MN1: variants seen among roughly 807,000 people sequenced by gnomAD.
MN1 encodes the protein transcriptional activator MN1.
A neutral mutation model predicts 86.9 loss-of-function variants in MN1; 19 were observed. The observed-to-expected ratio is 0.22, with a 90% CI of 0.15 to 0.32. The LOEUF is 0.32. Among genes scored for constraint, MN1 ranks in the 10% least tolerant of loss-of-function variants. MN1 has a pLI of 1.00. For synonymous variants in MN1, 928 were observed against 849.6 expected (o/e 1.09, Z -1.60); for missense variants, 1,841 against 1,862.0 (o/e 0.99, Z 0.21).
At position 27,797,208 on chromosome 22, in the gene MN1, G is replaced by A; in HGVS notation, c.3336C>T (p.Thr1112=). ...CGCCGCCGTAGCTGTCAGGGGTCGA[G>A]GTAGAGTTAGACATGATGCCCAGGC... ...ALGLGIMSNS[T]STPDSYGGGG... is the part of the protein sequence containing the mutation. Residue 1112 remains threonine (T), a synonymous_variant, in exon 1 of 2, where the codon ACC becomes ACT. Transcript: ENST00000302326. The A allele has an allele frequency of 6.4e-7, 1 of 1,559,534 alleles. No homozygotes were observed. The highest frequency in any genetic ancestry group is 8.6e-7 in the Non-Finnish European group (1 of 1,157,882).
chr22:27,800,630 G>A lies in MN1; in HGVS notation c.-87C>T. On this transcript the variant is annotated 5_prime_UTR_variant, in exon 1 of 2. Transcript: ENST00000302326. ...CCGGCCAGCTACTCGTTCCAGCCCA[G>A]GATTGGGCGCTCCGGGACGCTCAGC... 1 of 1,588,246 alleles carries A rather than the reference G, an allele frequency of 6.3e-7. No individual in the cohort carries two copies. Among genetic ancestry groups the A allele is most frequent in the East Asian group, 2.3e-5 (1 of 44,236 alleles).
At chr22:27,775,894 G>A (rs902279315) in intron 1 of MN1, among the ~76,000 whole-genome samples, 17 of 152,164 alleles carry the variant, frequency 1.1e-4, no homozygotes, top group African/African-American at 4.1e-4. Flanking sequence ...GCCGCCTGAA[G>A]CCTGACCCCT....
chr22:27,763,760 T>C (rs5762349), intron 1 of MN1, among the ~76,000 whole-genome samples: 64,616 of 152,052 alleles, frequency 0.42, 14,998 homozygotes, highest in East Asian at 0.63. Context: ...CAACACAGGT[T>C]CCACCACCTT....
chr22:27,761,194 A>G (rs1245505084), intron 1 of MN1, among the ~76,000 whole-genome samples: 1 of 149,480 alleles, frequency 6.7e-6, no homozygotes, highest in African/African-American at 2.5e-5. Flanking sequence ...TCCTCCTTTC[A>G]ATCTGTCTCG....
chr22:27,785,540 T>C (rs930754766), intron 1 of MN1, among the ~76,000 whole-genome samples: 8 of 152,222 alleles, frequency 5.3e-5, no homozygotes, highest in African/African-American at 1.9e-4. Flanking sequence ...ACTTACTTAA[T>C]ACCAAATGTT....
At chr22:27,756,383 G>A (rs1488470560) in intron 1 of MN1, among the ~76,000 whole-genome samples, 2 of 152,046 alleles carry the variant, frequency 1.3e-5, no homozygotes, top group East Asian at 1.9e-4. Flanking sequence ...CGTGAGCCGG[G>A]CGGAGGTGGC....
At chr22:27,777,555 GAGAA>G (rs1179410446) in intron 1 of MN1, among the ~76,000 whole-genome samples, 1 of 143,716 alleles carries the variant, frequency 7.0e-6, no homozygotes, top group Non-Finnish European at 1.5e-5. Context: ...AAAAGAGAGA[GAGAA>G]AAAAAAAATA....
chr22:27,752,222 A>G (rs1015645043), intron 1 of MN1, among the ~76,000 whole-genome samples: 1 of 152,088 alleles, frequency 6.6e-6, no homozygotes, highest in Non-Finnish European at 1.5e-5. Flanking sequence ...CGGCTCATGC[A>G]CCTCCTTATG....
At chr22:27,780,243 G>A (rs1933034105) in intron 1 of MN1, among the ~76,000 whole-genome samples, 1 of 152,104 alleles carries the variant, frequency 6.6e-6, no homozygotes, top group Non-Finnish European at 1.5e-5. Flanking sequence ...ACTCCAAACT[G>A]CTAATCTGAC....
At chr22:27,772,677 C>T (rs983576404) in intron 1 of MN1, among the ~76,000 whole-genome samples, 1 of 152,280 alleles carries the variant, frequency 6.6e-6, no homozygotes, top group South Asian at 2.1e-4. Flanking sequence ...GCTCCATGAT[C>T]TCTCACGCAG....
chr22:27,756,492 T>A (rs2146294144), intron 1 of MN1, among the ~76,000 whole-genome samples: 1 of 152,168 alleles, frequency 6.6e-6, no homozygotes, highest in African/African-American at 2.4e-5. Context: ...CCCAGCCACC[T>A]CCTGCCCCGC....
intron 1 of MN1, among the ~76,000 whole-genome samples, chr22:27,761,952 G>A (rs899148874): frequency 1.3e-5 from 2 of 152,202 alleles, no homozygotes; most frequent in Non-Finnish European, 2.9e-5. Flanking sequence ...CAGGACCGGG[G>A]AATGCGGGGG....
At chr22:27,779,092 C>A (rs1933017670) in intron 1 of MN1, among the ~76,000 whole-genome samples, 1 of 152,164 alleles carries the variant, frequency 6.6e-6, no homozygotes, top group Admixed American at 6.5e-5. Flanking sequence ...ATCCTCATCA[C>A]CCCTCCTACA....
rs760207442 is a variant in MN1, at chr22:27,798,548, G to T, written c.1996C>A (p.Pro666Thr). ...ACCCCCGAGCCACCAGGCGGAGGAG[G>T]GGGCGCCAGGCTGGGGTCGTGCGGG... ...CGPHDPSLAP[P>T]PPPGGSGVLF... The change falls in exon 1 of 2, where the codon CCT becomes ACT. Residue 666 changes from proline to threonine, a missense_variant. By Grantham distance (38) the Pro-to-Thr change is conservative. Coordinates refer to ENST00000302326, the MANE Select transcript of MN1 (RefSeq NM_002430.3). 6.6e-7 allele frequency: 1 copy of T among 1,518,754 alleles called. No homozygotes were observed. Among genetic ancestry groups the T allele is most frequent in the South Asian group, 1.3e-5 (1 of 78,544 alleles). The allele number at this position is 1,518,754 out of a possible 1,614,324, so 94.1% of individuals were successfully genotyped here.
At chr22:27,752,161 C>G (rs926550849) in intron 1 of MN1, among the ~76,000 whole-genome samples, 1 of 152,126 alleles carries the variant, frequency 6.6e-6, no homozygotes, top group South Asian at 2.1e-4. Flanking sequence ...GTTGTAGCTC[C>G]GCAAAGGGAC....
Position 27,797,779 on chromosome 22 carries a change from T to C in MN1, c.2765A>G (p.Tyr922Cys), listed in dbSNP as rs768158784. 6.2e-7 allele frequency: 1 copy of C among 1,605,512 alleles called. No homozygotes were observed. The highest frequency in any genetic ancestry group is 1.1e-5 in the South Asian group (1 of 90,112). ...QGDGTSLSPNYTLESTSGNDG... is the reference protein window; with the variant it reads ...QGDGTSLSPNCTLESTSGNDG... The stretch of plus-strand genomic sequence containing the variant: ...ATTCCCCGACGTGGATTCCAGGGTG[T>C]AGTTGGGGGAGAGGCTGGTGCCGTC... Residue 922 changes from tyrosine to cysteine, a missense_variant, in exon 1 of 2, where the codon TAC (tyrosine) becomes TGC (cysteine). Physicochemically the swap from Tyr to Cys is radical, Grantham distance 194. Transcript: ENST00000302326.
At chr22:27,773,708 G>A (rs1932941031) in intron 1 of MN1, among the ~76,000 whole-genome samples, 2 of 152,224 alleles carry the variant, frequency 1.3e-5, no homozygotes, top group Admixed American at 1.3e-4. Context: ...CTAGGCTGGA[G>A]TGCAGTGGCA....
At chr22:27,786,606 A>C (rs1474262807) in intron 1 of MN1, among the ~76,000 whole-genome samples, 1 of 152,156 alleles carries the variant, frequency 6.6e-6, no homozygotes, top group Admixed American at 6.5e-5. Context: ...AATGCTGGGA[A>C]ACTCTCAGGG....
At position 27,783,868 on chromosome 22, in the gene MN1, C is replaced by G. The variant is rs16985561; in HGVS notation, c.3781+12895G>C. Among the ~76,000 whole-genome samples, 364 of 151,744 alleles carry G rather than the reference C, an allele frequency of 2.4e-3. 1 individual carries two copies. The highest frequency in any genetic ancestry group is 3.4e-3 in the Middle Eastern group (1 of 292). The stretch of plus-strand genomic sequence containing the variant: ...GCCAAGGCGAGTCCGAATATCTCCA[C>G]GTACACACACCCAGGCAGGGAAAAC... On this transcript the variant is annotated intron_variant, in intron 1 of 1. Coordinates refer to ENST00000302326, the MANE Select transcript of MN1 (RefSeq NM_002430.3).
Sources: gnomAD v4.1 joint callset for allele counts (sites outside exome capture counted in the v4.1 genomes callset) on GRCh38, gnomAD v4.1.1 for gene constraint, MANE v1.5 for transcripts, NCBI Gene and HGNC (gene_info 2026-07-23, HGNC 2026-07-21) for gene names.